Variants in BBS9 observed in about 807,000 individuals in gnomAD.
The protein encoded by BBS9 is protein PTHB1.
A neutral mutation model predicts 117.7 loss-of-function variants in BBS9; 89 were observed. The ratio of observed to expected loss-of-function variants is 0.76; its 90% CI spans 0.64 to 0.90. The LOEUF (loss-of-function observed/expected upper bound fraction) is 0.90. BBS9 is among the 40% of genes least tolerant of loss of function. The pLI is 0.00. For synonymous variants in BBS9, 379 were observed against 370.9 expected, an observed-to-expected ratio of 1.02 and a Z score of -0.25; for missense variants, 982 against 1,042.2, an observed-to-expected ratio of 0.94 and a Z score of 0.80.
At chr7:33,300,444 G>T (rs1181731046) in intron 9 of BBS9, among the ~76,000 whole-genome samples, 1 of 152,040 alleles carries the variant, frequency 6.6e-6, no homozygotes, top group African/African-American at 2.4e-5. Context: ...GGTGAGCCAG[G>T]ATTTTCTATT....
chr7:33,603,752 A>G (rs918506867), intron 21 of BBS9, among the ~76,000 whole-genome samples: 11 of 152,184 alleles, frequency 7.2e-5, no homozygotes, highest in African/African-American at 2.4e-4. Context: ...AATGTTTTCT[A>G]TTCAGGGAAT....
intron 9 of BBS9, among the ~76,000 whole-genome samples, chr7:33,323,845 T>G (rs546609218): frequency 2.1e-5 from 3 of 144,538 alleles, no homozygotes; most frequent in Non-Finnish European, 4.6e-5. Flanking sequence ...TTTTTTTTTT[T>G]TTTTTTTTTT....
chr7:33,540,656 A>G (rs887843884), intron 21 of BBS9, among the ~76,000 whole-genome samples: 3 of 152,248 alleles, frequency 2.0e-5, no homozygotes, highest in African/African-American at 7.2e-5. Flanking sequence ...TGGTAAGGAA[A>G]CAACAAGGGC....
At chr7:33,187,241 A>G (rs1489434320) in intron 5 of BBS9, among the ~76,000 whole-genome samples, 2 of 152,242 alleles carry the variant, frequency 1.3e-5, no homozygotes, top group East Asian at 3.8e-4. Flanking sequence ...ACGTAGTAAA[A>G]TAAGATACTT....
At chr7:33,180,338 G>C (rs1797917679) in intron 5 of BBS9, among the ~76,000 whole-genome samples, 1 of 148,472 alleles carries the variant, frequency 6.7e-6, no homozygotes, top group African/African-American at 2.5e-5. Context: ...CCCTTCTATA[G>C]ATGTAAAATT....
chr7:33,384,904 G>T (rs531510906), intron 18 of BBS9, among the ~76,000 whole-genome samples: 2 of 152,180 alleles, frequency 1.3e-5, no homozygotes, highest in African/African-American at 2.4e-5. Flanking sequence ...CTATGATGAG[G>T]ATCTGTGATG....
chr7:33,404,939 G>T (rs563482778), intron 19 of BBS9, among the ~76,000 whole-genome samples: 1 of 152,180 alleles, frequency 6.6e-6, no homozygotes, highest in African/African-American at 2.4e-5. Flanking sequence ...CAAAGGGAAT[G>T]CTTCCAGTTT....
intron 9 of BBS9, among the ~76,000 whole-genome samples, chr7:33,301,239 T>G (rs1194086043): frequency 1.3e-5 from 2 of 151,996 alleles, no homozygotes; most frequent in African/African-American, 4.8e-5. Context: ...AAATGGGGTA[T>G]CCATCACCTC....
At chr7:33,287,260 A>G (rs1041014556) in intron 9 of BBS9, among the ~76,000 whole-genome samples, 1 of 152,220 alleles carries the variant, frequency 6.6e-6, no homozygotes, top group Non-Finnish European at 1.5e-5. Flanking sequence ...TAATTTCTAC[A>G]AAGAGCTACA....
chr7:33,288,047 T>C (rs1054192793), intron 9 of BBS9, among the ~76,000 whole-genome samples: 3 of 152,168 alleles, frequency 2.0e-5, no homozygotes, highest in African/African-American at 7.2e-5. Flanking sequence ...TGGAAAATTC[T>C]GTCTCCTGAA....
At chr7:33,453,018 A>G (rs1164140634) in intron 19 of BBS9, among the ~76,000 whole-genome samples, 2 of 152,218 alleles carry the variant, frequency 1.3e-5, no homozygotes, top group African/African-American at 4.8e-5. Flanking sequence ...TTGGCAGTAC[A>G]ATTTAGAAAG....
rs917934488 is a variant in BBS9 at position 33,357,875 on chromosome 7, T to C, written c.1573T>C (p.Cys525Arg). The change falls in exon 16 of 23, where the codon TGT (cysteine) becomes CGT (arginine). Residue 525 changes from cysteine to arginine, a missense_variant. By Grantham distance (180) the Cys-to-Arg change is radical. Coordinates refer to ENST00000242067, the MANE Select transcript of BBS9 (RefSeq NM_198428.3). ...NPDGIPRVIQ[C>R]KFRLPLKLIC... ...TTTAGGCATTCCGCGAGTTATCCAA[T>C]GTAAATTTAGACTTCCCCTAAAGTT... 1.2e-6 allele frequency: 2 copies of C among 1,611,918 alleles called. No individual in the cohort carries two copies. The highest frequency in any genetic ancestry group is 1.7e-5 in the Admixed American group (1 of 59,902).
At chr7:33,381,052 A>G (rs1824923613) in intron 17 of BBS9, among the ~76,000 whole-genome samples, 1 of 152,186 alleles carries the variant, frequency 6.6e-6, no homozygotes, top group Non-Finnish European at 1.5e-5. Context: ...ACCAAAGACC[A>G]GGGGGTTCAG....
At chr7:33,632,313 C>T (rs1865928113) in intron 21 of BBS9, among the ~76,000 whole-genome samples, 1 of 152,210 alleles carries the variant, frequency 6.6e-6, no homozygotes, top group African/African-American at 2.4e-5. Flanking sequence ...AATGTTCCAC[C>T]GACCCTATGG....
intron 4 of BBS9, among the ~76,000 whole-genome samples, chr7:33,173,529 G>A (rs947784235): frequency 2.0e-5 from 3 of 149,924 alleles, no homozygotes; most frequent in South Asian, 2.1e-4. Context: ...CTGAGATTGC[G>A]CCACTGCACT....
At chr7:33,308,773 T>C (rs1343563006) in intron 9 of BBS9, among the ~76,000 whole-genome samples, 1 of 152,188 alleles carries the variant, frequency 6.6e-6, no homozygotes, top group East Asian at 1.9e-4. Context: ...AAATAGACTT[T>C]GTACTTATTG....
At chr7:33,633,510 CTTTT>C (rs894796851) in intron 21 of BBS9, among the ~76,000 whole-genome samples, 1 of 98,462 alleles carries the variant, frequency 1.0e-5, no homozygotes, top group South Asian at 4.1e-4. Flanking sequence ...TAACTTTTTT[CTTTT>C]TTTTTTTTTT....
chr7:33,538,252 A>G (rs1250881749), intron 21 of BBS9, among the ~76,000 whole-genome samples: 1 of 152,260 alleles, frequency 6.6e-6, no homozygotes, highest in Admixed American at 6.5e-5. Context: ...GATTTGATAA[A>G]TAAGATTAGG....
At chr7:33,409,641 C>G (rs993482137) in intron 19 of BBS9, among the ~76,000 whole-genome samples, 9 of 152,100 alleles carry the variant, frequency 5.9e-5, no homozygotes, top group African/African-American at 2.2e-4. Flanking sequence ...TATGAGGATT[C>G]TGTTTCTTTA....
Sources: allele counts gnomAD v4.1 joint callset (sites outside exome capture counted in the v4.1 genomes callset), GRCh38; gene constraint gnomAD v4.1.1; transcripts MANE v1.5; gene names NCBI Gene and HGNC (gene_info 2026-07-23, HGNC 2026-07-21).